MYOF: variants seen among roughly 807,000 people sequenced by gnomAD.
The protein encoded by MYOF is myoferlin, also known as fer-1-like 3, myoferlin.
Under a neutral mutation model 284.2 loss-of-function variants are expected in MYOF, and 244 were observed. The observed-to-expected ratio is 0.86, with a 90% confidence interval of 0.77 to 0.95. MYOF has a LOEUF of 0.95. Ranked by LOEUF, MYOF falls within the 40% of genes least tolerant of loss-of-function variation. The pLI is 0.00. For missense variants in MYOF, 2,496 were observed against 2,560.6 expected (o/e 0.97, Z 0.54); for synonymous variants, 904 against 919.7 (o/e 0.98, Z 0.31).
At position 93,480,813 on chromosome 10, in the gene MYOF, C is replaced by T. The variant is rs2057370575; in HGVS notation, c.88+1294G>A. On this transcript the variant is annotated intron_variant, in intron 1 of 53. Transcript: ENST00000359263. ...GTTTCATTTCTTTCATTTTCTTGCT[C>T]ATCCTCAGAGAGAGAGGTTTAAGAA... Among the ~76,000 whole-genome samples, 13 of 152,032 alleles carry T rather than the reference C, an allele frequency of 8.6e-5. No homozygotes were observed. The South Asian group carries it at 2.7e-3, about 32-fold the overall frequency.
chr10:93,378,011 G>T (rs1589465922), intron 21 of MYOF, among the ~76,000 whole-genome samples: 1 of 152,212 alleles, frequency 6.6e-6, no homozygotes, highest in African/African-American at 2.4e-5. Flanking sequence ...AGAAGGCCTA[G>T]AAGCAATGAT....
intron 23 of MYOF, among the ~76,000 whole-genome samples, chr10:93,373,746 G>C (rs1161096739): frequency 2.0e-5 from 3 of 152,166 alleles, no homozygotes; most frequent in Non-Finnish European, 4.4e-5. Context: ...TGATTTCTGA[G>C]AGACAGGAGG....
intron 7 of MYOF, among the ~76,000 whole-genome samples, chr10:93,408,570 C>T (rs1432688847): frequency 6.6e-6 from 1 of 151,972 alleles, no homozygotes; most frequent in African/African-American, 2.4e-5. Flanking sequence ...TGTTACTTAC[C>T]TATTTCTCCT....
At chr10:93,368,247 C>A (rs1845418659) in intron 25 of MYOF, among the ~76,000 whole-genome samples, 3 of 152,180 alleles carry the variant, frequency 2.0e-5, no homozygotes, top group Non-Finnish European at 4.4e-5. Context: ...CCAGCACACC[C>A]TCTATCTTCA....
In MYOF at chr10:93,343,914, G is replaced by A; in HGVS notation, c.4268C>T (p.Pro1423Leu). ...TTCGATAACGATGTCCCGGCATGGT[G>A]GGGCAGACAGAAGGGAGGCTGCAAG... The part of the protein sequence containing the change: ...PQLKASLLSA[P>L]PCRDIVIEME... Residue 1423 changes from proline to leucine, a missense_variant, in exon 38 of 54, where the codon CCA becomes CTA. By Grantham distance (98) the Pro-to-Leu change is moderately conservative. This residue lies in a region of MYOF where 2,436 missense variants were observed against 2,480.7 expected (regional missense o/e 0.98). Transcript: ENST00000359263. The A allele has an allele frequency of 1.2e-6, 2 of 1,614,094 alleles. No homozygotes were observed. The highest frequency in any genetic ancestry group is 1.7e-6 in the Non-Finnish European group (2 of 1,179,998).
intron 51 of MYOF, 121 bp from the exon 52 acceptor site, chr10:93,310,764 C>T (rs1288735615): frequency 4.6e-6 from 4 of 874,930 alleles, no homozygotes; most frequent in South Asian, 1.8e-5. Context: ...CTTAGATTGC[C>T]TTCAGTTTTC....
chr10:93,316,695 A>T lies in MYOF; in HGVS notation c.5698+19T>A. On this transcript the variant is annotated intron_variant, in intron 50 of 53. Coordinates refer to ENST00000359263, the MANE Select transcript of MYOF (RefSeq NM_013451.4). ...CAAGTACAGTTTCTTAGAAACAATG[A>T]TCCAAATGTAAGCCCTACCCAAGTA... is the stretch of plus-strand genomic sequence containing the variant. 6.4e-7 allele frequency: 1 copy of T among 1,574,650 alleles called. No individual in the cohort carries two copies. Among genetic ancestry groups the T allele is most frequent in the Non-Finnish European group, 8.7e-7 (1 of 1,145,298 alleles).
intron 16 of MYOF, among the ~76,000 whole-genome samples, chr10:93,394,661 C>T (rs1276319083): frequency 2.7e-5 from 4 of 148,692 alleles, no homozygotes; most frequent in East Asian, 4.1e-4. Context: ...GGGGTTTCAC[C>T]GTGTTAGCCA....
chr10:93,423,228 A>G (rs1848428700), intron 5 of MYOF, among the ~76,000 whole-genome samples: 1 of 152,052 alleles, frequency 6.6e-6, no homozygotes. Flanking sequence ...AAATTTGGAC[A>G]TGGACACACA....
At position 93,430,226 on chromosome 10, in the gene MYOF, G is replaced by A. The variant is rs543036216; in HGVS notation, c.345+1182C>T. 3.9e-4 allele frequency among the ~76,000 whole-genome samples: 59 copies of A among 151,054 alleles called. No individual in the cohort carries two copies. In the South Asian group the frequency reaches 0.012, roughly 31 times the overall value. On this transcript the variant is annotated intron_variant, in intron 4 of 53. Transcript: ENST00000359263. ...TGGGATTACAGGCGTGAGCCACCGC[G>A]CCCAGCAAGATGTACTTATTGAGAG...
rs187140587 is a variant in MYOF at position 93,403,826 on chromosome 10, G to A, written c.843+197C>T. Among the ~76,000 whole-genome samples the A allele has an allele frequency of 4.0e-3, 606 of 152,202 alleles. 4 individuals carry two copies. Among genetic ancestry groups the A allele is most frequent in the African/African-American group, 0.014 (575 of 41,530 alleles). ...AGGGCCCTGATATGGCAGCTTCAGG[G>A]CATCTTGCTTTGAGAGCTCTGTTCA... On this transcript the variant is annotated intron_variant, in intron 9 of 53. Transcript: ENST00000359263.
chr10:93,360,957 A>G (rs17108550), intron 28 of MYOF, among the ~76,000 whole-genome samples: 1,996 of 152,272 alleles, frequency 0.013, 167 homozygotes, highest in Admixed American at 0.11. Context: ...CTCACTTAGC[A>G]CTTGTCCATA....
chr10:93,477,922 C>T (rs1489083836), intron 1 of MYOF, among the ~76,000 whole-genome samples: 3 of 152,068 alleles, frequency 2.0e-5, no homozygotes, highest in Non-Finnish European at 4.4e-5. Context: ...CACTGCAGTA[C>T]TGTTGCTAAC....
At chr10:93,348,693 T>C (rs1246352654) in intron 36 of MYOF, among the ~76,000 whole-genome samples, 3 of 151,910 alleles carry the variant, frequency 2.0e-5, no homozygotes, top group African/African-American at 4.8e-5. Context: ...AGCATGGGCA[T>C]TGGGGTTGTA....
At position 93,310,506 on chromosome 10, in the gene MYOF, G is replaced by T. The variant is rs773406215; in HGVS notation, c.5999+28C>A. ...GGCTCTCAGCCTGCAGGTGTTTGGG[G>T]AGTGGGAGAACAAAGAAGGCCTCTC... On this transcript the variant is annotated intron_variant, in intron 52 of 53. Transcript: ENST00000359263. 5 of 1,602,040 alleles carry T rather than the reference G, an allele frequency of 3.1e-6. No homozygotes were observed. In the South Asian group the frequency reaches 5.5e-5, roughly 18 times the overall value.
chr10:93,387,989 T>A, intron 18 of MYOF, 76 bp from the exon 19 acceptor site: 1 of 1,164,348 alleles, frequency 8.6e-7, no homozygotes, highest in Non-Finnish European at 1.3e-6. Context: ...GTCAGGCTAA[T>A]ACAACTGCAA....
chr10:93,323,219 C>T, intron 47 of MYOF, 46 bp from the exon 48 acceptor site: 1 of 1,613,674 alleles, frequency 6.2e-7, no homozygotes, highest in Non-Finnish European at 8.5e-7. Context: ...TGGTCCTGGA[C>T]CAAGTCCCCA....
intron 25 of MYOF, among the ~76,000 whole-genome samples, 175 bp from the exon 26 acceptor site, chr10:93,366,730 G>A (rs1236318471): frequency 2.0e-5 from 3 of 152,200 alleles, no homozygotes; most frequent in African/African-American, 4.8e-5. Flanking sequence ...ATGCAACTTC[G>A]GATAAATCAT....
chr10:93,477,355 G>A (rs1374261559), intron 1 of MYOF, among the ~76,000 whole-genome samples: 1 of 151,940 alleles, frequency 6.6e-6, no homozygotes, highest in Non-Finnish European at 1.5e-5. Context: ...AGCCGGGTGT[G>A]GTGGCGCATG....
Sources: allele counts gnomAD v4.1 joint callset (sites outside exome capture counted in the v4.1 genomes callset), GRCh38; gene constraint gnomAD v4.1.1; regional missense constraint gnomAD v4.1.1; transcripts MANE v1.5; gene names NCBI Gene and HGNC (gene_info 2026-07-23, HGNC 2026-07-21).